Variants in KCNIP4 observed in about 807,000 individuals in gnomAD.
KCNIP4 encodes Kv channel-interacting protein 4.
KCNIP4 carries 12 observed loss-of-function variants against 34.0 expected under a neutral mutation model. That is an observed-to-expected ratio of 0.35 (90% confidence interval 0.23 to 0.57). The LOEUF (loss-of-function observed/expected upper bound fraction) is 0.57, where lower values mean the gene tolerates loss of function less well. Ranked by LOEUF, KCNIP4 falls within the 20% of genes least tolerant of loss-of-function variation. KCNIP4 has a pLI of 0.83. For missense variants in KCNIP4, 238 were observed against 311.7 expected, an observed-to-expected ratio of 0.76 and a Z score of 1.78; for synonymous variants, 124 against 102.2, an observed-to-expected ratio of 1.21 and a Z score of -1.29.
chr4:21,857,752 G>C (rs953383102), intron 1 of KCNIP4, among the ~76,000 whole-genome samples: 1 of 152,172 alleles, frequency 6.6e-6, no homozygotes, highest in Non-Finnish European at 1.5e-5. Flanking sequence ...CTCAGGTTCT[G>C]CTGAATGGCA....
At chr4:21,835,033 A>G (rs1578049154) in intron 1 of KCNIP4, among the ~76,000 whole-genome samples, 2 of 152,244 alleles carry the variant, frequency 1.3e-5, no homozygotes, top group African/African-American at 4.8e-5. Context: ...ATGTTCATCA[A>G]GGATATTGGT....
At chr4:21,822,655 T>C (rs570399543) in intron 1 of KCNIP4, among the ~76,000 whole-genome samples, 2 of 151,978 alleles carry the variant, frequency 1.3e-5, no homozygotes, top group African/African-American at 2.4e-5. Flanking sequence ...TAAACAGATA[T>C]GAATAAGATT....
At chr4:21,625,449 T>C (rs918532532) in intron 1 of KCNIP4, among the ~76,000 whole-genome samples, 4 of 152,098 alleles carry the variant, frequency 2.6e-5, no homozygotes, top group African/African-American at 9.7e-5. Flanking sequence ...TGAAGCTTGG[T>C]AAGGTCTGTA....
At chr4:21,663,490 C>T (rs1267000151) in intron 1 of KCNIP4, among the ~76,000 whole-genome samples, 1 of 152,152 alleles carries the variant, frequency 6.6e-6, no homozygotes. Context: ...CTAGCTGTGA[C>T]TAAGCCAAGG....
chr4:21,255,180 C>T (rs1253613942), intron 1 of KCNIP4, among the ~76,000 whole-genome samples: 1 of 152,078 alleles, frequency 6.6e-6, no homozygotes, highest in African/African-American at 2.4e-5. Flanking sequence ...TGTCCCATCC[C>T]TTCTCACTAC....
intron 3 of KCNIP4, among the ~76,000 whole-genome samples, chr4:20,822,055 A>ATAAATAAAC (rs1717175585): frequency 6.6e-6 from 1 of 152,186 alleles, no homozygotes; most frequent in African/African-American, 2.4e-5. Context: ...AAAAATAAAA[A>ATAAATAAAC]TAAATAAATG....
chr4:21,166,737 A>G (rs147014671), intron 1 of KCNIP4, among the ~76,000 whole-genome samples: 3,822 of 152,062 alleles, frequency 0.025, 184 homozygotes, highest in African/African-American at 0.086. Context: ...TCAGGAGTTC[A>G]AAACCAGCCT....
Position 20,983,106 on chromosome 4 carries a change from C to T in KCNIP4, c.62-100397G>A, listed in dbSNP as rs186907085. 2.6e-4 allele frequency among the ~76,000 whole-genome samples: 39 copies of T among 152,244 alleles called. No individual in the cohort carries two copies. The East Asian group carries it at 4.3e-3, about 17-fold the overall frequency. On this transcript the variant is annotated intron_variant, in intron 1 of 8. Coordinates refer to ENST00000382152, the MANE Select transcript of KCNIP4 (RefSeq NM_025221.6). ...TAGTTAAAGCAAAGTTAATTAACTT[C>T]TTAAAACTCTCCAATCTTTGAATAA...
intron 1 of KCNIP4, among the ~76,000 whole-genome samples, chr4:21,665,959 G>A (rs1748916986): frequency 6.6e-6 from 1 of 152,072 alleles, no homozygotes; most frequent in Non-Finnish European, 1.5e-5. Context: ...TTTAATATCT[G>A]CTGTAAGAAA....
At chr4:21,072,548 C>T (rs1201198797) in intron 1 of KCNIP4, among the ~76,000 whole-genome samples, 1 of 151,654 alleles carries the variant, frequency 6.6e-6, no homozygotes, top group Non-Finnish European at 1.5e-5. Flanking sequence ...GATATTAGTC[C>T]TTTGTCAGAT....
intron 1 of KCNIP4, among the ~76,000 whole-genome samples, chr4:21,227,233 T>G (rs143571275): frequency 1.3e-5 from 2 of 152,318 alleles, no homozygotes; most frequent in African/African-American, 4.8e-5. Context: ...AAGTCATTGC[T>G]GAGAGCAGAG....
chr4:21,425,056 G>T (rs1442774331), intron 1 of KCNIP4, among the ~76,000 whole-genome samples: 1 of 152,126 alleles, frequency 6.6e-6, no homozygotes, highest in African/African-American at 2.4e-5. Context: ...ATGGGGGAAG[G>T]GACATTGGAG....
chr4:20,735,518 GTTTTT>G (rs754949562), intron 5 of KCNIP4, among the ~76,000 whole-genome samples: 1 of 130,812 alleles, frequency 7.6e-6, no homozygotes, highest in Non-Finnish European at 1.6e-5. Context: ...TTCATTTAGT[GTTTTT>G]TTTTTTGTTT....
rs184638291 is a variant in KCNIP4 at position 21,101,091 on chromosome 4, T to C, written c.62-218382A>G. On this transcript the variant is annotated intron_variant, in intron 1 of 8. Transcript: ENST00000382152. The stretch of plus-strand genomic sequence containing the variant: ...AGTGAACATTGTGCCTAATAAGTAA[T>C]TTTTCAACCCTCATGCCCCTGCCAT... Among the ~76,000 whole-genome samples the C allele has an allele frequency of 3.3e-3, 505 of 152,290 alleles. 3 individuals carry two copies. The highest frequency in any genetic ancestry group is 0.012 in the African/African-American group (478 of 41,554).
At chr4:21,930,431 C>T (rs965610163) in intron 1 of KCNIP4, among the ~76,000 whole-genome samples, 5 of 152,090 alleles carry the variant, frequency 3.3e-5, no homozygotes, top group Non-Finnish European at 7.4e-5. Context: ...AAGCAATTGA[C>T]TTTACCTTGC....
intron 1 of KCNIP4, among the ~76,000 whole-genome samples, chr4:21,888,415 T>C (rs997203466): frequency 1.3e-5 from 2 of 152,096 alleles, no homozygotes; most frequent in Non-Finnish European, 2.9e-5. Context: ...CTTAGACTCA[T>C]ACGATTCAGA....
chr4:20,938,646 C>T (rs1244293480), intron 1 of KCNIP4, among the ~76,000 whole-genome samples: 2 of 152,178 alleles, frequency 1.3e-5, no homozygotes, highest in African/African-American at 2.4e-5. Flanking sequence ...CACAGCTTCA[C>T]AAACTTCTCC....
chr4:21,387,865 C>T (rs1400499070), intron 1 of KCNIP4, among the ~76,000 whole-genome samples: 1 of 152,170 alleles, frequency 6.6e-6, no homozygotes, highest in African/African-American at 2.4e-5. Flanking sequence ...TGTCAAAGTA[C>T]TTACTATGAC....
At chr4:20,929,837 A>C (rs1169703231) in intron 1 of KCNIP4, among the ~76,000 whole-genome samples, 1 of 149,654 alleles carries the variant, frequency 6.7e-6, no homozygotes, top group Non-Finnish European at 1.5e-5. Context: ...TTGTATACCG[A>C]TAACTATAAA....
Sources: gnomAD v4.1 joint callset for allele counts (sites outside exome capture counted in the v4.1 genomes callset) on GRCh38, gnomAD v4.1.1 for gene constraint, MANE v1.5 for transcripts, NCBI Gene and HGNC (gene_info 2026-07-23, HGNC 2026-07-21) for gene names.